IFT172: variants seen among roughly 807,000 people sequenced by gnomAD.
IFT172 encodes intraflagellar transport protein 172 homolog.
In IFT172, 164 loss-of-function variants were observed where a neutral mutation model predicts 248.9. The ratio of observed to expected loss-of-function variants is 0.66; its 90% CI spans 0.58 to 0.75. The LOEUF (loss-of-function observed/expected upper bound fraction) is 0.75. IFT172 is among the 30% of genes least tolerant of loss of function. The probability of loss-of-function intolerance (pLI) is 0.00; values close to 1 mark genes in which losing one functional copy is unlikely to be tolerated. For synonymous variants in IFT172, 729 were observed against 791.6 expected, an observed-to-expected ratio of 0.92 and a Z score of 1.33; for missense variants, 1,950 against 2,192.4, an observed-to-expected ratio of 0.89 and a Z score of 2.21.
intron 35 of IFT172, 74 bp downstream of exon 35, chr2:27,453,310 G>T: frequency 6.4e-7 from 1 of 1,550,886 alleles, no homozygotes; most frequent in Non-Finnish European, 8.9e-7. Context: ...AAGAGCTGAA[G>T]ATGTGAGAAG....
At position 27,485,069 on chromosome 2, in the gene IFT172, G is replaced by A; in HGVS notation, c.245C>T (p.Ala82Val). 6.2e-7 allele frequency: 1 copy of A among 1,610,380 alleles called. No individual in the cohort carries two copies. Among genetic ancestry groups the A allele is most frequent in the African/African-American group, 1.3e-5 (1 of 74,730 alleles). ...MAFSPDSTKI[A>V]IGQTDNIIYV... is the part of the protein sequence containing the mutation. ...GATGATGTTGTCAGTCTGTCCTATG[G>A]CAATTTTAGTGGAATCAGGAGAAAA... is the stretch of plus-strand genomic sequence containing the variant. Residue 82 changes from alanine (A) to valine (V), a missense_variant, in exon 3 of 48, where the codon GCC (alanine) becomes GTC (valine). Around this residue, in one of 3 missense-constraint regions of IFT172, gnomAD observed 1,166 missense variants for 1,254.1 expected, o/e 0.93. Transcript: ENST00000260570.
At position 27,447,747 on chromosome 2, in the gene IFT172, G is replaced by C. The variant is rs567924925; in HGVS notation, c.4539+65C>G. On this transcript the variant is annotated intron_variant, in intron 41 of 47. Coordinates refer to ENST00000260570, the MANE Select transcript of IFT172 (RefSeq NM_015662.3). ...AAGGTAAAATACATCTGAGAATAAA[G>C]GTTTATGTGCATCAAAGAAGAGATG... 6.7e-4 allele frequency: 1,080 copies of C among 1,601,386 alleles called. 12 individuals carry two copies. In the South Asian group the frequency reaches 0.011, roughly 16 times the overall value.
At chr2:27,462,650 C>A (rs771242815) in intron 20 of IFT172, 51 bp downstream of exon 20, 1 of 1,523,410 alleles carries the variant, frequency 6.6e-7, no homozygotes, top group Non-Finnish European at 9.1e-7. Flanking sequence ...CCCCTTTTCT[C>A]TCTTTTTCCC....
Position 27,484,211 on chromosome 2 carries a change from C to A in IFT172, c.336+16G>T. 2 of 1,614,014 alleles carry A rather than the reference C, an allele frequency of 1.2e-6. No individual in the cohort carries two copies. Among genetic ancestry groups the A allele is most frequent in the Non-Finnish European group, 1.7e-6 (2 of 1,179,922 alleles). On this transcript the variant is annotated intron_variant, in intron 4 of 47. Transcript: ENST00000260570. ...TTTGTTCATCCTAAGGTTCCAGGGACTGGTCTGAACTTTACCGTCTGGATG... is the reference window on the plus strand; with the variant it reads ...TTTGTTCATCCTAAGGTTCCAGGGAATGGTCTGAACTTTACCGTCTGGATG...
chr2:27,447,994 A>G (rs1665312484), intron 40 of IFT172, 72 bp from the exon 41 acceptor site: 2 of 915,536 alleles, frequency 2.2e-6, no homozygotes, highest in African/African-American at 1.6e-5. Flanking sequence ...AGTGGGGCCA[A>G]AGGGAGGAGA....
intron 20 of IFT172, 97 bp from the exon 21 acceptor site, chr2:27,461,933 A>C: frequency 7.7e-7 from 1 of 1,302,170 alleles, no homozygotes. Flanking sequence ...CCAGCCCATG[A>C]GGACCAAAAG....
At chr2:27,452,810 G>A (rs1572732778) in intron 35 of IFT172, among the ~76,000 whole-genome samples, 1 of 152,232 alleles carries the variant, frequency 6.6e-6, no homozygotes, top group Non-Finnish European at 1.5e-5. Context: ...GTGGTCTACT[G>A]TTGACCAAAA....
chr2:27,469,788 C>T (rs568164723), intron 16 of IFT172, among the ~76,000 whole-genome samples: 5 of 151,982 alleles, frequency 3.3e-5, no homozygotes, highest in South Asian at 2.1e-4. Flanking sequence ...GCCGAGATGA[C>T]GCCACTGCAC....
rs772861255 is a variant in IFT172, at chr2:27,465,725, G to A, written c.1829+21C>T. ...AACCAGACTCTCCCACCACCTCACT[G>A]GTTATTGGCCAGCCTCTCACCGGAT... On this transcript the variant is annotated intron_variant, in intron 17 of 47. Transcript: ENST00000260570. 4.3e-6 allele frequency: 7 copies of A among 1,613,922 alleles called. No homozygotes were observed. The South Asian group carries it at 6.6e-5, about 15-fold the overall frequency.
chr2:27,468,197 TG>T (rs1412894311), intron 16 of IFT172, among the ~76,000 whole-genome samples: 2 of 151,664 alleles, frequency 1.3e-5, no homozygotes, highest in East Asian at 3.9e-4. Flanking sequence ...CACATTGTAG[TG>T]AAACTTCAAA....
chr2:27,479,998 A>C (rs755270444), intron 9 of IFT172, 28 bp downstream of exon 9: 2 of 1,604,074 alleles, frequency 1.2e-6, no homozygotes, highest in Admixed American at 3.5e-5. Flanking sequence ...AAAGTCACCA[A>C]TCCAGAAAGG....
chr2:27,459,161 G>C (rs1666425361), intron 25 of IFT172: 1 of 635,820 alleles, frequency 1.6e-6, no homozygotes. Context: ...AACACAGCTA[G>C]AGACTCACTT....
intron 12 of IFT172, 29 bp downstream of exon 12, chr2:27,477,530 A>G (rs757281636): frequency 1.3e-5 from 20 of 1,521,600 alleles, no homozygotes; most frequent in Non-Finnish European, 1.7e-5. Flanking sequence ...GCTTATCAAG[A>G]TGGTGATGGT....
rs550612592 is a variant in IFT172 at position 27,462,999 on chromosome 2, A to T, written c.2022+98T>A. 2.4e-5 allele frequency: 34 copies of T among 1,425,164 alleles called. No homozygotes were observed. The Admixed American group carries it at 2.8e-4, about 12-fold the overall frequency. The allele number at this position is 1,425,164 out of a possible 1,614,324, so 88.3% of individuals were successfully genotyped here. On this transcript the variant is annotated intron_variant, in intron 19 of 47. Coordinates refer to ENST00000260570, the MANE Select transcript of IFT172 (RefSeq NM_015662.3). Reference sequence around the variant, plus strand: ...AAAGGTGGGGTGGGCAGGGTAAAGGAAACTGGGGATGGCTGGAAAGCTAGG... The same window carrying T: ...AAAGGTGGGGTGGGCAGGGTAAAGGTAACTGGGGATGGCTGGAAAGCTAGG...
intron 14 of IFT172, among the ~76,000 whole-genome samples, chr2:27,473,659 G>C (rs1667755265): frequency 6.6e-6 from 1 of 151,954 alleles, no homozygotes; most frequent in Non-Finnish European, 1.5e-5. Context: ...CAGAGTTCTA[G>C]AGTGGCGACG....
Position 27,445,987 on chromosome 2 carries a change from G to A in IFT172, c.4757C>T (p.Ala1586Val). Reference sequence around the variant, plus strand: ...GAATGCCATGTTATCCCAGCCAACTGCCTGCAGCAAAGAAGAGTTGCAAAT... The same window carrying A: ...GAATGCCATGTTATCCCAGCCAACTACCTGCAGCAAAGAAGAGTTGCAAAT... ...AFYEAGIAAK[A>V]VGWDNMAFIF... Residue 1586 changes from alanine (A) to valine (V), a missense_variant and splice_region_variant, in exon 44 of 48, where the codon GCA becomes GTA. Physicochemically the swap from Ala to Val is moderately conservative, Grantham distance 64. This residue lies in a region of IFT172 where 620 missense variants were observed against 699.0 expected (regional missense o/e 0.89). Transcript: ENST00000260570. The surrounding 1 kb of genome is among the most constrained non-coding windows in gnomAD (Gnocchi z 4.4). 1 of 1,614,216 alleles carries A rather than the reference G, an allele frequency of 6.2e-7. No individual in the cohort carries two copies. Among genetic ancestry groups the A allele is most frequent in the East Asian group, 2.2e-5 (1 of 44,892 alleles).
chr2:27,466,042 A>T, intron 16 of IFT172, 160 bp from the exon 17 acceptor site: 1 of 797,012 alleles, frequency 1.3e-6, no homozygotes, highest in Non-Finnish European at 2.0e-6. Flanking sequence ...ATAAAAAAAT[A>T]CTTCATTTAT....
intron 18 of IFT172, among the ~76,000 whole-genome samples, chr2:27,463,976 G>A (rs1264111345): frequency 6.6e-6 from 1 of 152,146 alleles, no homozygotes; most frequent in Non-Finnish European, 1.5e-5. Flanking sequence ...TAAGCTAATG[G>A]AAGGTTCCAG....
intron 35 of IFT172, among the ~76,000 whole-genome samples, chr2:27,450,868 A>G (rs1159951067): frequency 6.6e-6 from 1 of 152,148 alleles, no homozygotes; most frequent in Non-Finnish European, 1.5e-5. Flanking sequence ...CTGGGATTAC[A>G]GGCATGTACC....
Sources: allele counts gnomAD v4.1 joint callset (sites outside exome capture counted in the v4.1 genomes callset), GRCh38; gene constraint gnomAD v4.1.1; regional missense constraint gnomAD v4.1.1; non-coding constraint Gnocchi (gnomAD v3.1); transcripts MANE v1.5; gene names NCBI Gene and HGNC (gene_info 2026-07-23, HGNC 2026-07-21).